CDK19: variants seen among roughly 807,000 people sequenced by gnomAD.
The protein encoded by CDK19 is cyclin dependent kinase 19.
A neutral mutation model predicts 68.3 loss-of-function variants in CDK19; 20 were observed. The ratio of observed to expected loss-of-function variants is 0.29; its 90% CI spans 0.21 to 0.43. The LOEUF is 0.43. Ranked by LOEUF, CDK19 falls within the 20% of genes least tolerant of loss-of-function variation. The probability of loss-of-function intolerance (pLI) is 1.00; values close to 1 mark genes in which losing one functional copy is unlikely to be tolerated. For missense variants in CDK19, 339 were observed against 623.5 expected (o/e 0.54, Z 4.86); for synonymous variants, 221 against 222.8 (o/e 0.99, Z 0.07).
intron 2 of CDK19, among the ~76,000 whole-genome samples, chr6:110,731,938 C>T (rs1776791790): frequency 6.6e-6 from 1 of 151,962 alleles, no homozygotes; most frequent in African/African-American, 2.4e-5. Flanking sequence ...AATAATAATG[C>T]CTTGAAAGGT....
intron 12 of CDK19, among the ~76,000 whole-genome samples, chr6:110,617,425 A>G (rs1049113173): frequency 1.3e-5 from 2 of 151,906 alleles, no homozygotes; most frequent in Admixed American, 1.3e-4. Context: ...ATCAGATCAT[A>G]CCCCTTCTGT....
chr6:110,653,470 G>A (rs1781104927), intron 4 of CDK19, among the ~76,000 whole-genome samples: 1 of 152,152 alleles, frequency 6.6e-6, no homozygotes, highest in African/African-American at 2.4e-5. Flanking sequence ...TACATCCCAA[G>A]TAACACAGAC....
chr6:110,793,455 T>C (rs896969943), intron 1 of CDK19, among the ~76,000 whole-genome samples: 3 of 152,248 alleles, frequency 2.0e-5, no homozygotes, highest in Admixed American at 6.5e-5. Context: ...TATACTTACA[T>C]GGACATGAAA....
At chr6:110,787,252 T>C (rs925640355) in intron 1 of CDK19, among the ~76,000 whole-genome samples, 2 of 152,052 alleles carry the variant, frequency 1.3e-5, no homozygotes, top group Non-Finnish European at 2.9e-5. Flanking sequence ...TGCATGTTTG[T>C]AATCCCAGCT....
chr6:110,625,204 C>T (rs1480706294), intron 8 of CDK19, among the ~76,000 whole-genome samples: 3 of 152,150 alleles, frequency 2.0e-5, no homozygotes, highest in African/African-American at 7.2e-5. Context: ...AATGAAGGTT[C>T]TCAGTTCTCA....
chr6:110,796,589 C>T (rs1335515473), intron 1 of CDK19, among the ~76,000 whole-genome samples: 2 of 151,932 alleles, frequency 1.3e-5, no homozygotes, highest in African/African-American at 2.4e-5. Flanking sequence ...GCAGAGGTTG[C>T]GGTGAGCTGA....
intron 1 of CDK19, among the ~76,000 whole-genome samples, chr6:110,811,577 T>C (rs1343073625): frequency 3.3e-5 from 5 of 152,212 alleles, no homozygotes; most frequent in African/African-American, 1.2e-4. Context: ...AATATTCCTT[T>C]ATCGATCAAA....
At chr6:110,753,539 C>T (rs943303730) in intron 1 of CDK19, among the ~76,000 whole-genome samples, 6 of 145,124 alleles carry the variant, frequency 4.1e-5, no homozygotes, top group Admixed American at 2.0e-4. Flanking sequence ...TGCACCACCA[C>T]ACCTGGATTT....
At chr6:110,804,913 G>A (rs945206040) in intron 1 of CDK19, among the ~76,000 whole-genome samples, 16 of 151,312 alleles carry the variant, frequency 1.1e-4, no homozygotes, top group Non-Finnish European at 2.2e-4. Context: ...CCGAGATCGC[G>A]CCACTGCACT....
Position 110,614,479 on chromosome 6 carries a change from A to T in CDK19, c.*56T>A. The T allele has an allele frequency of 3.8e-6, 6 of 1,569,610 alleles. No homozygotes were observed. The highest frequency in any genetic ancestry group is 4.3e-6 in the Non-Finnish European group (5 of 1,153,838). The stretch of plus-strand genomic sequence containing the variant: ...ATTTTTTTGGTTCTTTTCAATGCAG[A>T]CATATTGCTGGAGCCTGTGCTCTGG... On this transcript the variant is annotated 3_prime_UTR_variant, in exon 13 of 13. Transcript: ENST00000368911.
intron 2 of CDK19, among the ~76,000 whole-genome samples, chr6:110,714,070 A>G (rs762868063): frequency 6.6e-6 from 1 of 152,190 alleles, no homozygotes; most frequent in Non-Finnish European, 1.5e-5. Flanking sequence ...GAAACAGCAT[A>G]TCCATTAAGC....
At chr6:110,756,650 C>T (rs1237040600) in intron 1 of CDK19, among the ~76,000 whole-genome samples, 1 of 151,712 alleles carries the variant, frequency 6.6e-6, no homozygotes, top group Non-Finnish European at 1.5e-5. Flanking sequence ...TATGTGTGCA[C>T]ATGTTTGTGT....
chr6:110,641,392 T>C (rs2691178), intron 4 of CDK19, among the ~76,000 whole-genome samples: 76,919 of 150,790 alleles, frequency 0.51, 21,267 homozygotes, highest in East Asian at 0.87. Context: ...AGGTCAGGAG[T>C]TCAAGACCGG....
chr6:110,715,649 C>T (rs1025936923), intron 2 of CDK19, among the ~76,000 whole-genome samples: 1 of 152,152 alleles, frequency 6.6e-6, no homozygotes, highest in African/African-American at 2.4e-5. Flanking sequence ...ACACACCTGG[C>T]TAACTTTTGT....
intron 4 of CDK19, chr6:110,646,211 G>A (rs1273653161): frequency 2.1e-6 from 3 of 1,414,170 alleles, no homozygotes; most frequent in Admixed American, 4.4e-5. Context: ...GCAACTCGTC[G>A]GGGTCCGACG....
intron 3 of CDK19, among the ~76,000 whole-genome samples, chr6:110,668,387 T>G (rs1431229716): frequency 1.3e-5 from 2 of 152,240 alleles, no homozygotes; most frequent in Non-Finnish European, 2.9e-5. Context: ...ATTAAGCTAT[T>G]TATACAGCTT....
intron 2 of CDK19, among the ~76,000 whole-genome samples, chr6:110,715,962 C>A (rs1204905015): frequency 6.6e-6 from 1 of 152,166 alleles, no homozygotes; most frequent in Middle Eastern, 3.2e-3. Context: ...TCTTCATGAA[C>A]AAAAGCATAC....
intron 2 of CDK19, among the ~76,000 whole-genome samples, chr6:110,704,057 C>A (rs1404505112): frequency 1.3e-5 from 2 of 152,088 alleles, no homozygotes; most frequent in Admixed American, 1.3e-4. Flanking sequence ...AATATACATA[C>A]AACAATAATC....
Position 110,765,097 on chromosome 6 carries a change from C to G in CDK19, c.129-18896G>C, listed in dbSNP as rs76842077. Among the ~76,000 whole-genome samples the G allele has an allele frequency of 5.2e-3, 780 of 150,310 alleles. 6 individuals carry two copies. The highest frequency in any genetic ancestry group is 0.019 in the African/African-American group (758 of 40,962). Reference sequence around the variant, plus strand: ...AGTGGGACTTGACTAAAATGAAAAACTTAGGCTCTGTGAAAGGCACTTTAA... The same window carrying G: ...AGTGGGACTTGACTAAAATGAAAAAGTTAGGCTCTGTGAAAGGCACTTTAA... On this transcript the variant is annotated intron_variant, in intron 1 of 12. Coordinates refer to ENST00000368911, the MANE Select transcript of CDK19 (RefSeq NM_015076.5).
Sources: allele counts gnomAD v4.1 joint callset (sites outside exome capture counted in the v4.1 genomes callset), GRCh38; gene constraint gnomAD v4.1.1; transcripts MANE v1.5; gene names NCBI Gene and HGNC (gene_info 2026-07-23, HGNC 2026-07-21).